The following SAMD3 variants were observed in gnomAD, a reference collection of about 807,000 sequenced individuals.
The protein encoded by SAMD3 is sterile alpha motif domain containing 3.
Under a neutral mutation model 58.5 loss-of-function variants are expected in SAMD3, and 63 were observed. The ratio of observed to expected loss-of-function variants is 1.08; its 90% CI spans 0.88 to 1.33. The LOEUF is 1.33. Among genes scored for constraint, SAMD3 ranks in the 40% most tolerant of loss-of-function variants. The pLI is 0.00. For synonymous variants in SAMD3, 220 were observed against 210.3 expected, an observed-to-expected ratio of 1.05 and a Z score of -0.40; for missense variants, 604 against 608.4, an observed-to-expected ratio of 0.99 and a Z score of 0.08.
At chr6:130,357,996 T>G (rs1481669710) in intron 1 of SAMD3, among the ~76,000 whole-genome samples, 2 of 152,206 alleles carry the variant, frequency 1.3e-5, no homozygotes, top group Non-Finnish European at 2.9e-5. Flanking sequence ...AATACTAAAT[T>G]AGGTATAAGA....
Position 130,184,539 on chromosome 6 carries a change from G to C in SAMD3, c.468C>G (p.Val156=). ...SYVLPEFPYD[V]KCMLAEQKCP... is the part of the protein sequence containing the mutation. ...ACTTCTGCTCTGCTAACATGCATTTGACATCATAGGGAAACTCTGGTAAAA... is the reference window on the plus strand; with the variant it reads ...ACTTCTGCTCTGCTAACATGCATTTCACATCATAGGGAAACTCTGGTAAAA... The change falls in exon 6 of 12, where the codon GTC becomes GTG. Residue 156 remains valine (V), a synonymous_variant. Transcript: ENST00000439090. 2 of 1,614,104 alleles carry C rather than the reference G, an allele frequency of 1.2e-6. No homozygotes were observed. The highest frequency in any genetic ancestry group is 8.5e-7 in the Non-Finnish European group (1 of 1,179,956).
At chr6:130,266,226 A>G (rs566883521) in intron 2 of SAMD3, among the ~76,000 whole-genome samples, 1 of 152,306 alleles carries the variant, frequency 6.6e-6, no homozygotes, top group South Asian at 2.1e-4. Flanking sequence ...ATGTGCCAGT[A>G]CCAGAAATTC....
intron 1 of SAMD3, among the ~76,000 whole-genome samples, chr6:130,337,747 C>A (rs1380987753): frequency 6.6e-6 from 1 of 152,158 alleles, no homozygotes; most frequent in African/African-American, 2.4e-5. Flanking sequence ...TCTTGCTGTG[C>A]TTTAACAAAG....
At chr6:130,224,548 G>A (rs1796331469), upstream of SAMD3, among the ~76,000 whole-genome samples, 1 of 151,734 alleles carries the variant, frequency 6.6e-6, no homozygotes, top group Admixed American at 6.6e-5. Flanking sequence ...GTGAGGACGG[G>A]CCAGAATGTT....
intron 7 of SAMD3, among the ~76,000 whole-genome samples, chr6:130,182,286 A>G (rs1005103508): frequency 6.6e-5 from 10 of 151,924 alleles, no homozygotes; most frequent in African/African-American, 2.4e-4. Context: ...GAGGAAATTC[A>G]GTTTCTTCTG....
At chr6:130,183,938 G>C (rs1792659634) in intron 7 of SAMD3, among the ~76,000 whole-genome samples, 165 bp downstream of exon 7, 1 of 152,038 alleles carries the variant, frequency 6.6e-6, no homozygotes, top group African/African-American at 2.4e-5. Context: ...AAGAGACAAA[G>C]AGTCAGAAAA....
At chr6:130,145,456 A>G in intron 10 of SAMD3, 34 bp from the exon 11 acceptor site, 1 of 1,483,760 alleles carries the variant, frequency 6.7e-7, no homozygotes. Flanking sequence ...TGTGAAGTAA[A>G]AATAAGCTTT....
intron 2 of SAMD3, among the ~76,000 whole-genome samples, chr6:130,248,878 T>C (rs1248033092): frequency 6.6e-6 from 1 of 152,168 alleles, no homozygotes; most frequent in Non-Finnish European, 1.5e-5. Flanking sequence ...CTAGGAAATG[T>C]TAAATTAATA....
chr6:130,325,647 T>C (rs1214997234), intron 1 of SAMD3, among the ~76,000 whole-genome samples: 2 of 152,240 alleles, frequency 1.3e-5, no homozygotes, highest in Non-Finnish European at 2.9e-5. Flanking sequence ...CTTTACCAGC[T>C]ATCTGGATAT....
chr6:130,315,003 C>T (rs1415989762), intron 1 of SAMD3, among the ~76,000 whole-genome samples: 1 of 152,172 alleles, frequency 6.6e-6, no homozygotes, highest in Non-Finnish European at 1.5e-5. Context: ...TTATTTGAAT[C>T]TTAATACATG....
chr6:130,282,541 G>A (rs1775015957), intron 2 of SAMD3, among the ~76,000 whole-genome samples: 1 of 152,086 alleles, frequency 6.6e-6, no homozygotes, highest in African/African-American at 2.4e-5. Context: ...AGAAACTGAA[G>A]CTTTGTATTC....
chr6:130,199,650 A>G (rs565077067), intron 5 of SAMD3, among the ~76,000 whole-genome samples: 1 of 152,314 alleles, frequency 6.6e-6, no homozygotes, highest in East Asian at 1.9e-4. Flanking sequence ...TAAGAAAACA[A>G]ACAAGAAGTT....
intron 5 of SAMD3, among the ~76,000 whole-genome samples, chr6:130,203,705 A>G (rs1374014670): frequency 6.6e-6 from 1 of 152,248 alleles, no homozygotes; most frequent in Non-Finnish European, 1.5e-5. Flanking sequence ...GACTGCACAG[A>G]TGAATAAGAC....
chr6:130,208,729 T>C (rs774575421), intron 5 of SAMD3, among the ~76,000 whole-genome samples: 2 of 152,124 alleles, frequency 1.3e-5, no homozygotes, highest in Non-Finnish European at 2.9e-5. Flanking sequence ...AGTTGTATAA[T>C]TATTTTATTA....
chr6:130,350,009 C>T (rs1342972857), intron 1 of SAMD3, among the ~76,000 whole-genome samples: 1 of 152,130 alleles, frequency 6.6e-6, no homozygotes, highest in African/African-American at 2.4e-5. Flanking sequence ...AGGCCTTTGA[C>T]AAAATTCAAC....
chr6:130,282,264 C>T (rs1297338696), intron 2 of SAMD3, among the ~76,000 whole-genome samples: 1 of 152,098 alleles, frequency 6.6e-6, no homozygotes, highest in Admixed American at 6.6e-5. Context: ...GCCTTGTGTT[C>T]TAGTCCTAAA....
At chr6:130,142,894 GA>G (rs1420054719), downstream of SAMD3, 1 of 152,252 alleles carries the variant, frequency 6.6e-6, no homozygotes, top group Non-Finnish European at 1.5e-5. Context: ...GTAATTTGGG[GA>G]AATAAAGGAA....
intron 1 of SAMD3, among the ~76,000 whole-genome samples, chr6:130,337,816 A>G (rs1777149353): frequency 6.6e-6 from 1 of 152,200 alleles, no homozygotes; most frequent in Non-Finnish European, 1.5e-5. Context: ...CTTGAGAGAG[A>G]TGATCTGAAA....
intron 2 of SAMD3, among the ~76,000 whole-genome samples, chr6:130,312,546 C>CAA (rs572972606): frequency 1.2e-3 from 178 of 152,248 alleles, no homozygotes; most frequent in Non-Finnish European, 3.1e-4. Flanking sequence ...GTAATTTTAC[C>CAA]CCATTCAGTC....
Sources: allele counts gnomAD v4.1 joint callset (sites outside exome capture counted in the v4.1 genomes callset), GRCh38; gene constraint gnomAD v4.1.1; transcripts MANE v1.5; gene names NCBI Gene and HGNC (gene_info 2026-07-23, HGNC 2026-07-21).